Variants in HSPA12A observed in about 807,000 individuals in gnomAD.
HSPA12A encodes heat shock 70 kDa protein 12A.
Under a neutral mutation model 69.2 loss-of-function variants are expected in HSPA12A, and 28 were observed. The ratio of observed to expected loss-of-function variants is 0.40; its 90% CI spans 0.30 to 0.55. The LOEUF (loss-of-function observed/expected upper bound fraction) is 0.55. HSPA12A is among the 20% of genes least tolerant of loss of function. The probability of loss-of-function intolerance (pLI) is 0.38; values close to 1 mark genes in which losing one functional copy is unlikely to be tolerated. For synonymous variants in HSPA12A, 345 were observed against 370.5 expected, an observed-to-expected ratio of 0.93 and a Z score of 0.79; for missense variants, 686 against 900.7, an observed-to-expected ratio of 0.76 and a Z score of 3.05.
At chr10:116,718,293 C>T (rs1564793833) in intron 1 of HSPA12A, among the ~76,000 whole-genome samples, 1 of 152,248 alleles carries the variant, frequency 6.6e-6, no homozygotes, top group Non-Finnish European at 1.5e-5. Flanking sequence ...ACCTCCCAAA[C>T]ACTCACCACC....
intron 1 of HSPA12A, among the ~76,000 whole-genome samples, chr10:116,714,559 A>G (rs782280395): frequency 1.3e-5 from 2 of 152,052 alleles, no homozygotes; most frequent in Non-Finnish European, 1.5e-5. Context: ...CCCCTCCCCC[A>G]GACACACTCA....
intron 1 of HSPA12A, among the ~76,000 whole-genome samples, chr10:116,726,027 G>GCACACACACACACACACACACACACACA (rs71013613): frequency 4.1e-5 from 6 of 146,220 alleles, no homozygotes. Flanking sequence ...ACACACACAC[G>GCACACACACACACACACACACACACACA]CACACACACA....
chr10:116,701,791 G>A (rs909056279), intron 3 of HSPA12A, among the ~76,000 whole-genome samples: 3 of 152,158 alleles, frequency 2.0e-5, no homozygotes, highest in Admixed American at 6.5e-5. Context: ...TGGGAAGGGT[G>A]AGAAACACGA....
chr10:116,724,909 C>G (rs1554884806), intron 1 of HSPA12A, among the ~76,000 whole-genome samples: 2 of 152,194 alleles, frequency 1.3e-5, no homozygotes, highest in Admixed American at 1.3e-4. Flanking sequence ...CACCTGGCCC[C>G]CAGACCCTGA....
chr10:116,726,027 G>GCGCGCGCACACA (rs140160132), intron 1 of HSPA12A, among the ~76,000 whole-genome samples: 1,787 of 146,200 alleles, frequency 0.012, 19 homozygotes, highest in African/African-American at 0.02. Context: ...ACACACACAC[G>GCGCGCGCACACA]CACACACACA....
rs782515117 is a variant in HSPA12A, at chr10:116,705,278, T to G, written c.127A>C (p.Asn43His). The change falls in exon 3 of 12, where the codon AAC (asparagine) becomes CAC (histidine). Residue 43 changes from asparagine (N) to histidine (H), a missense_variant and splice_region_variant. Coordinates refer to ENST00000369209, the MANE Select transcript of HSPA12A (RefSeq NM_025015.3). Reference protein sequence around the residue: ...ITPLSPSHIVNDTDSNVSEQQ... With the variant: ...ITPLSPSHIVHDTDSNVSEQQ... ...TCTGAGACGTTGGAGTCAGTGTCGT[T>G]CTGCAGATATACAGTGAGGCATGGG... is the stretch of plus-strand genomic sequence containing the variant. 1 of 1,614,074 alleles carries G rather than the reference T, an allele frequency of 6.2e-7. No individual in the cohort carries two copies. The highest frequency in any genetic ancestry group is 8.5e-7 in the Non-Finnish European group (1 of 1,180,016).
At chr10:116,705,424 G>A in intron 2 of HSPA12A, 146 bp from the exon 3 acceptor site, 1 of 1,013,530 alleles carries the variant, frequency 9.9e-7, no homozygotes, top group Non-Finnish European at 1.5e-6. Flanking sequence ...CTACCACCTG[G>A]GGAGAAGGCA....
intron 1 of HSPA12A, among the ~76,000 whole-genome samples, chr10:116,844,640 T>C (rs772937032): frequency 2.0e-5 from 3 of 152,222 alleles, no homozygotes; most frequent in East Asian, 3.9e-4. Context: ...CCATCTATTG[T>C]CTCTAGTTTC....
In HSPA12A at chr10:116,752,785, A is replaced by T. The variant is rs181362276; in HGVS notation, c.92-45500T>A. 1.1e-4 allele frequency among the ~76,000 whole-genome samples: 17 copies of T among 152,218 alleles called. No individual in the cohort carries two copies. The East Asian group carries it at 3.3e-3, about 29-fold the overall frequency. ...CACTTGTAAAAGAAGATTGACATGA[A>T]CCCTTTTATACTAGGGCCATTGGAA... On this transcript the variant is annotated intron_variant, in intron 2 of 12. Transcript: ENST00000635765.
At chr10:116,814,297 G>T (rs1845255449) in intron 2 of HSPA12A, among the ~76,000 whole-genome samples, 1 of 152,166 alleles carries the variant, frequency 6.6e-6, no homozygotes, top group Non-Finnish European at 1.5e-5. Flanking sequence ...GAGACATAAA[G>T]TCACACATGG....
chr10:116,804,591 C>T (rs969707511), intron 2 of HSPA12A, among the ~76,000 whole-genome samples: 1 of 152,086 alleles, frequency 6.6e-6, no homozygotes, highest in Non-Finnish European at 1.5e-5. Context: ...GCATCAGGAA[C>T]ATTAGTGGGA....
chr10:116,805,037 A>C, intron 2 of HSPA12A, among the ~76,000 whole-genome samples: 1 of 152,078 alleles, frequency 6.6e-6, no homozygotes, highest in Non-Finnish European at 1.5e-5. Flanking sequence ...GGAATGTTGG[A>C]CGGGCGCGGT....
chr10:116,745,195 C>T (rs1420118606), upstream of HSPA12A, among the ~76,000 whole-genome samples: 1 of 152,264 alleles, frequency 6.6e-6, no homozygotes, highest in Admixed American at 6.5e-5. Flanking sequence ...TTCTGCATCT[C>T]TGTGTCTAGA....
chr10:116,732,328 CA>C (rs1554885908), intron 1 of HSPA12A, among the ~76,000 whole-genome samples: 3 of 124,178 alleles, frequency 2.4e-5, no homozygotes, highest in South Asian at 2.6e-4. Context: ...TCAAAAAAAA[CA>C]AAGAAAGAAA....
chr10:116,793,679 T>G (rs1310734765), intron 2 of HSPA12A, among the ~76,000 whole-genome samples: 1 of 152,146 alleles, frequency 6.6e-6, no homozygotes, highest in Admixed American at 6.6e-5. Flanking sequence ...CTGAGATCCT[T>G]GTACTATATA....
At chr10:116,823,796 A>C (rs1473402724) in intron 2 of HSPA12A, among the ~76,000 whole-genome samples, 1 of 152,240 alleles carries the variant, frequency 6.6e-6, no homozygotes, top group Non-Finnish European at 1.5e-5. Context: ...TAAAACTCTT[A>C]TGAGAGGAAA....
chr10:116,681,188 G>A lies in HSPA12A; in HGVS notation c.991C>T (p.Pro331Ser). ...VDLTVHQIRL[P>S]EGHLKELYKA... ...TACAGTTCCTTAAGGTGTCCCTCCG[G>A]TAACCGGATCTGATGGACTGTCAGG... The change falls in exon 9 of 12, where the codon CCG becomes TCG. Residue 331 changes from proline (P) to serine (S), a missense_variant. Coordinates refer to ENST00000369209, the MANE Select transcript of HSPA12A (RefSeq NM_025015.3). The A allele has an allele frequency of 6.2e-7, 1 of 1,614,132 alleles. No individual in the cohort carries two copies. The highest frequency in any genetic ancestry group is 2.2e-5 in the East Asian group (1 of 44,884).
In HSPA12A at chr10:116,683,791, C is replaced by T; in HGVS notation, c.835G>A (p.Ala279Thr). The change falls in exon 7 of 12, where the codon GCT becomes ACT. Residue 279 changes from alanine to threonine, a missense_variant and splice_region_variant. Coordinates refer to ENST00000369209, the MANE Select transcript of HSPA12A (RefSeq NM_025015.3). The part of the protein sequence containing the change: ...SDTVGAGFTQ[A>T]KEHIRRNRQS... Reference sequence around the variant, plus strand: ...AGGGGGAGAGAGAGAGCAGAGGTACCCTGTGTAAACCCAGCTCCTACTGTG... The same window carrying T: ...AGGGGGAGAGAGAGAGCAGAGGTACTCTGTGTAAACCCAGCTCCTACTGTG... 1 of 1,545,984 alleles carries T rather than the reference C, an allele frequency of 6.5e-7. No individual in the cohort carries two copies. The highest frequency in any genetic ancestry group is 8.8e-7 in the Non-Finnish European group (1 of 1,130,602).
intron 2 of HSPA12A, chr10:116,832,589 T>C (rs994174783): frequency 3.9e-5 from 6 of 152,276 alleles, no homozygotes; most frequent in African/African-American, 1.4e-4. Context: ...GGTCAGCCTA[T>C]TGGTCAATTC....
Sources: gnomAD v4.1 joint callset for allele counts (sites outside exome capture counted in the v4.1 genomes callset) on GRCh38, gnomAD v4.1.1 for gene constraint, MANE v1.5 for transcripts, NCBI Gene and HGNC (gene_info 2026-07-23, HGNC 2026-07-21) for gene names.